Variants in CDADC1 observed in about 807,000 individuals in gnomAD.
CDADC1 encodes the protein cytidine and dCMP deaminase domain containing 1, also known as dCTP deaminase.
CDADC1 carries 39 observed loss-of-function variants against 54.9 expected under a neutral mutation model. The ratio of observed to expected loss-of-function variants is 0.71; its 90% CI spans 0.55 to 0.93. The LOEUF (loss-of-function observed/expected upper bound fraction) is 0.93, where lower values mean the gene tolerates loss of function less well. CDADC1 is among the 40% of genes least tolerant of loss of function. The pLI, the probability that CDADC1 is intolerant of heterozygous loss-of-function variation, is 0.00. For synonymous variants in CDADC1, 186 were observed against 204.0 expected, an observed-to-expected ratio of 0.91 and a Z score of 0.75; for missense variants, 518 against 618.8, an observed-to-expected ratio of 0.84 and a Z score of 1.73.
At chr13:49,284,752 G>C (rs965881487) in intron 8 of CDADC1, among the ~76,000 whole-genome samples, 5 of 152,066 alleles carry the variant, frequency 3.3e-5, no homozygotes, top group African/African-American at 1.2e-4. Flanking sequence ...TGTTTGTCCT[G>C]TATCTCATCC....
intron 2 of CDADC1, among the ~76,000 whole-genome samples, chr13:49,255,513 G>T (rs896146649): frequency 2.0e-5 from 3 of 152,060 alleles, no homozygotes; most frequent in Non-Finnish European, 4.4e-5. Flanking sequence ...TTCCACTTTA[G>T]TCATTCATGG....
At chr13:49,248,721 A>G in intron 1 of CDADC1, 150 bp from the exon 2 acceptor site, 2 of 651,998 alleles carry the variant, frequency 3.1e-6, no homozygotes, top group South Asian at 1.8e-5. Context: ...TCTACTGCTA[A>G]GATACCTCTG....
chr13:49,250,726 G>T (rs1187613026), intron 2 of CDADC1, among the ~76,000 whole-genome samples: 1 of 152,084 alleles, frequency 6.6e-6, no homozygotes. Flanking sequence ...ATTGCATTGA[G>T]GAATTTTAAC....
chr13:49,248,268 C>T (rs1952342793), intron 1 of CDADC1, 149 bp downstream of exon 1: 2 of 682,766 alleles, frequency 2.9e-6, no homozygotes, highest in African/African-American at 3.6e-5. Context: ...GTGTCCCCTC[C>T]GCGGTCGCCA....
chr13:49,257,394 C>T (rs1952570116), intron 3 of CDADC1, among the ~76,000 whole-genome samples: 1 of 152,150 alleles, frequency 6.6e-6, no homozygotes, highest in South Asian at 2.1e-4. Flanking sequence ...CTTGCAGCCA[C>T]TTCCACTGGT....
chr13:49,268,068 C>T lies in CDADC1; in HGVS notation c.1000+9C>T, dbSNP rs752488020. On this transcript the variant is annotated intron_variant, in intron 5 of 9. Transcript: ENST00000251108. ...ATTGGCATATCGAACTGGTGAGTTA[C>T]ATAGATCGTAAATTGGGGCTGATTG... 3.8e-6 allele frequency: 6 copies of T among 1,593,592 alleles called. No homozygotes were observed. Among genetic ancestry groups the T allele is most frequent in the Non-Finnish European group, 4.3e-6 (5 of 1,169,174 alleles).
At chr13:49,288,271 A>G (rs1953582138) in intron 9 of CDADC1, among the ~76,000 whole-genome samples, 1 of 152,228 alleles carries the variant, frequency 6.6e-6, no homozygotes, top group Non-Finnish European at 1.5e-5. Context: ...TTTTTGAACA[A>G]GTGTTTGATC....
intron 2 of CDADC1, among the ~76,000 whole-genome samples, chr13:49,250,654 A>G (rs1952407065): frequency 6.6e-6 from 1 of 152,234 alleles, no homozygotes; most frequent in Non-Finnish European, 1.5e-5. Context: ...GACAGGAATC[A>G]TATCATAAAA....
intron 6 of CDADC1, among the ~76,000 whole-genome samples, chr13:49,275,724 TATAGAGAGAGAG>T (rs1953106997): frequency 3.9e-4 from 6 of 15,464 alleles, no homozygotes; most frequent in African/African-American, 1.0e-3. Context: ...TATATATATA[TATAGAGAGAGAG>T]AGAGAGAGAG....
chr13:49,248,406 G>A (rs1459520975), intron 1 of CDADC1: 1 of 401,094 alleles, frequency 2.5e-6, no homozygotes, highest in Non-Finnish European at 4.5e-6. Context: ...CGGCGCTTTT[G>A]CCTTGATTTC....
In CDADC1 at chr13:49,248,129, C is replaced by T; in HGVS notation, c.82+10C>T. The T allele has an allele frequency of 6.5e-7, 1 of 1,548,306 alleles. No homozygotes were observed. The highest frequency in any genetic ancestry group is 8.7e-7 in the Non-Finnish European group (1 of 1,144,762). On this transcript the variant is annotated intron_variant, in intron 1 of 9. Transcript: ENST00000251108. ...ACTGGCAGCATGACCGGTGAGTGTC[C>T]GGGACCCTGCTCCCGCCACCCTACC...
At chr13:49,248,342 TCA>T in intron 1 of CDADC1, 1 of 527,792 alleles carries the variant, frequency 1.9e-6, no homozygotes, top group Admixed American at 3.3e-5. Context: ...TAGCTACTTC[TCA>T]CAGGACCTAG....
At chr13:49,278,329 T>C in intron 6 of CDADC1, 21 bp from the exon 7 acceptor site, 1 of 1,480,916 alleles carries the variant, frequency 6.8e-7, no homozygotes, top group Non-Finnish European at 9.1e-7. Context: ...AAACTAACCA[T>C]TGGTTTGCTC....
chr13:49,269,408 T>C lies in CDADC1; in HGVS notation c.1000+1349T>C, dbSNP rs1265182696. The stretch of plus-strand genomic sequence containing the variant: ...AAGTCCCTAACAAAATATGGCCAAG[T>C]TCTATGTTTTTAAAAGTTCCACAAG... On this transcript the variant is annotated intron_variant, in intron 5 of 9. Coordinates refer to ENST00000251108, the MANE Select transcript of CDADC1 (RefSeq NM_030911.4). 5.3e-5 allele frequency among the ~76,000 whole-genome samples: 8 copies of C among 152,124 alleles called. No homozygotes were observed. In the South Asian group the frequency reaches 1.7e-3, roughly 31 times the overall value.
intron 2 of CDADC1, 32 bp downstream of exon 2, chr13:49,248,997 A>G (rs771171455): frequency 2.9e-6 from 4 of 1,390,248 alleles, no homozygotes; most frequent in Non-Finnish European, 4.1e-6. Flanking sequence ...TTCCCCTTAG[A>G]AAAGCAGTGG....
At chr13:49,255,251 T>C (rs74072780) in intron 2 of CDADC1, among the ~76,000 whole-genome samples, 1,632 of 152,304 alleles carry the variant, frequency 0.011, 23 homozygotes, top group African/African-American at 0.037. Flanking sequence ...CTTTTACTCA[T>C]AATGACCCTT....
intron 4 of CDADC1, among the ~76,000 whole-genome samples, chr13:49,262,653 C>T (rs926143430): frequency 7.9e-5 from 12 of 152,258 alleles, no homozygotes; most frequent in African/African-American, 2.9e-4. Flanking sequence ...GCCTCAGCCT[C>T]CTGAGTAGCT....
At chr13:49,286,382 C>A in intron 9 of CDADC1, 100 bp downstream of exon 9, 2 of 846,904 alleles carry the variant, frequency 2.4e-6, no homozygotes, top group Non-Finnish European at 3.9e-6. Context: ...ATAGATGGAG[C>A]ATATTATTTT....
chr13:49,280,743 GT>G (rs1470488741), intron 8 of CDADC1, 45 bp downstream of exon 8: 2 of 1,164,214 alleles, frequency 1.7e-6, no homozygotes, highest in Admixed American at 5.2e-5. Context: ...GTATTATGTT[GT>G]TAGGTACCCT....
Sources: gnomAD v4.1 joint callset for allele counts (sites outside exome capture counted in the v4.1 genomes callset) on GRCh38, gnomAD v4.1.1 for gene constraint, MANE v1.5 for transcripts, NCBI Gene and HGNC (gene_info 2026-07-23, HGNC 2026-07-21) for gene names.